The following PCDH15 variants were observed in gnomAD, a reference collection of about 807,000 sequenced individuals.
PCDH15 encodes protocadherin-15.
A neutral mutation model predicts 178.5 loss-of-function variants in PCDH15; 129 were observed. The observed-to-expected ratio is 0.72, with a 90% CI of 0.63 to 0.84. The LOEUF is 0.84. Among genes scored for constraint, PCDH15 ranks in the 40% least tolerant of loss-of-function variants. PCDH15 has a pLI of 0.00. For missense variants in PCDH15, 2,230 were observed against 2,099.9 expected (o/e 1.06, Z -1.21); for synonymous variants, 800 against 732.0 (o/e 1.09, Z -1.50).
intron 3 of PCDH15, chr10:54,864,908 A>G (rs1478574881): frequency 3.3e-5 from 5 of 152,160 alleles, no homozygotes; most frequent in Non-Finnish European, 7.3e-5. Flanking sequence ...GAATCAATTC[A>G]ATAAGTTTAG....
chr10:54,010,677 C>T (rs552021184), intron 20 of PCDH15, among the ~76,000 whole-genome samples: 70 of 152,272 alleles, frequency 4.6e-4, no homozygotes, highest in Non-Finnish European at 7.9e-4. Context: ...CTCTCTGTGA[C>T]TGCAGCTACC....
chr10:55,137,514 T>C (rs1838226863), intron 2 of PCDH15, among the ~76,000 whole-genome samples: 1 of 140,080 alleles, frequency 7.1e-6, no homozygotes, highest in Non-Finnish European at 1.5e-5. Context: ...CCTTAAGTGA[T>C]GCATGACTGT....
In PCDH15 at chr10:55,031,576, A is replaced by T. The variant is rs935484973; in HGVS notation, c.-79-134076T>A. Reference sequence around the variant, plus strand: ...GGCTTGGTGTCAGATTCAGGAAAGGAGGGGCTGTGGTTTGAATATGTCCCT... The same window carrying T: ...GGCTTGGTGTCAGATTCAGGAAAGGTGGGGCTGTGGTTTGAATATGTCCCT... On this transcript the variant is annotated intron_variant, in intron 2 of 5. Coordinates refer to the PCDH15 transcript ENST00000458638. Among the ~76,000 whole-genome samples, 4 of 152,122 alleles carry T rather than the reference A, an allele frequency of 2.6e-5. No homozygotes were observed. The East Asian group carries it at 7.7e-4, about 29-fold the overall frequency.
chr10:54,049,312 G>A (rs2093717891), intron 18 of PCDH15, among the ~76,000 whole-genome samples: 1 of 152,064 alleles, frequency 6.6e-6, no homozygotes, highest in South Asian at 2.1e-4. Context: ...TAATTTCAGT[G>A]AGGAGAGATA....
intron 2 of PCDH15, among the ~76,000 whole-genome samples, chr10:55,065,663 A>G (rs1841547092): frequency 6.6e-6 from 1 of 152,074 alleles, no homozygotes; most frequent in African/African-American, 2.4e-5. Context: ...AGAAGTCAAA[A>G]TTATTTGTGA....
At chr10:55,392,999 G>GTGTGTGTT (rs1248373316) in intron 2 of PCDH15, among the ~76,000 whole-genome samples, 8 of 150,492 alleles carry the variant, frequency 5.3e-5, no homozygotes, top group Non-Finnish European at 1.0e-4. Context: ...GTGTGTGTGT[G>GTGTGTGTT]TGTGTGTGTG....
intron 2 of PCDH15, among the ~76,000 whole-genome samples, chr10:55,560,542 A>G (rs1171991069): frequency 1.3e-5 from 2 of 151,922 alleles, no homozygotes; most frequent in Non-Finnish European, 2.9e-5. Flanking sequence ...AGGAAATCCC[A>G]GATGATTATG....
intron 9 of PCDH15, among the ~76,000 whole-genome samples, chr10:54,228,870 C>CTTAAA (rs1564734746): frequency 6.6e-6 from 1 of 152,192 alleles, no homozygotes; most frequent in Non-Finnish European, 1.5e-5. Flanking sequence ...TTTACCAGCT[C>CTTAAA]TTTCTACATG....
intron 2 of PCDH15, among the ~76,000 whole-genome samples, chr10:55,060,081 A>G (rs759963135): frequency 7.2e-5 from 11 of 152,054 alleles, no homozygotes; most frequent in Non-Finnish European, 1.6e-4. Flanking sequence ...ATAGAGTTCA[A>G]TGTAATAATA....
At chr10:55,391,614 G>A (rs1303466946) in intron 2 of PCDH15, among the ~76,000 whole-genome samples, 1 of 151,982 alleles carries the variant, frequency 6.6e-6, no homozygotes, top group African/African-American at 2.4e-5. Context: ...AGCCTCCTGA[G>A]TAGTGGGGAT....
chr10:55,140,286 C>T (rs1564831286), intron 2 of PCDH15, among the ~76,000 whole-genome samples: 4 of 151,708 alleles, frequency 2.6e-5, no homozygotes, highest in Admixed American at 2.6e-4. Context: ...TAAAAGGAAA[C>T]ATTCTTATTT....
intron 2 of PCDH15, among the ~76,000 whole-genome samples, chr10:54,638,272 T>C (rs1370653406): frequency 1.3e-5 from 2 of 152,148 alleles, no homozygotes; most frequent in Non-Finnish European, 2.9e-5. Flanking sequence ...GTATGTATTT[T>C]ACCTTTACAT....
chr10:54,325,744 C>T (rs1239882324), intron 7 of PCDH15, among the ~76,000 whole-genome samples: 1 of 151,782 alleles, frequency 6.6e-6, no homozygotes, highest in African/African-American at 2.4e-5. Context: ...GCAATACTCT[C>T]CTCCCCTCCC....
At chr10:55,206,677 T>A (rs1244994158) in intron 1 of PCDH15, among the ~76,000 whole-genome samples, 1 of 152,156 alleles carries the variant, frequency 6.6e-6, no homozygotes, top group African/African-American at 2.4e-5. Context: ...TTTGGAGCAG[T>A]CTGTTTTCCT....
At chr10:55,202,180 G>T (rs1306981237) in intron 1 of PCDH15, among the ~76,000 whole-genome samples, 1 of 152,058 alleles carries the variant, frequency 6.6e-6, no homozygotes, top group South Asian at 2.1e-4. Context: ...ATTACCAGGG[G>T]CTGCTGTGGC....
At chr10:54,761,026 C>G (rs1947804195) in intron 1 of PCDH15, among the ~76,000 whole-genome samples, 1 of 151,970 alleles carries the variant, frequency 6.6e-6, no homozygotes, top group Admixed American at 6.5e-5. Flanking sequence ...ACTGGTAGTT[C>G]AAAGAAAGAC....
chr10:55,053,778 C>T (rs187772498), intron 2 of PCDH15, among the ~76,000 whole-genome samples: 237 of 152,234 alleles, frequency 1.6e-3, no homozygotes, highest in Middle Eastern at 7.0e-3. Flanking sequence ...TGGAAAGTGT[C>T]CAGCACACTG....
intron 2 of PCDH15, among the ~76,000 whole-genome samples, chr10:54,534,998 C>G (rs2084322810): frequency 6.6e-6 from 1 of 152,014 alleles, no homozygotes; most frequent in African/African-American, 2.4e-5. Context: ...AATGATAGAA[C>G]AAAAGCAAAA....
chr10:55,142,015 A>G (rs564654060), intron 2 of PCDH15, among the ~76,000 whole-genome samples: 1 of 152,270 alleles, frequency 6.6e-6, no homozygotes, highest in African/African-American at 2.4e-5. Flanking sequence ...CATAAACATA[A>G]AACTTCATTA....
Sources: allele counts gnomAD v4.1 joint callset (sites outside exome capture counted in the v4.1 genomes callset), GRCh38; gene constraint gnomAD v4.1.1; transcripts MANE v1.5; gene names NCBI Gene and HGNC (gene_info 2026-07-23, HGNC 2026-07-21).